Variants in SMG6 observed in about 807,000 individuals in gnomAD.
SMG6 encodes the protein SMG6 nonsense mediated mRNA decay factor, also known as telomerase-binding protein EST1A.
A neutral mutation model predicts 142.2 loss-of-function variants in SMG6; 66 were observed. The observed-to-expected ratio is 0.46, with a 90% CI of 0.38 to 0.57. SMG6 has a LOEUF of 0.57. SMG6 is among the 20% of genes least tolerant of loss of function. SMG6 has a pLI of 0.00. For synonymous variants in SMG6, 779 were observed against 702.4 expected (o/e 1.11, Z -1.72); for missense variants, 1,793 against 1,832.0 (o/e 0.98, Z 0.39).
Position 2,300,178 on chromosome 17 carries a change from G to C in SMG6, c.575C>G (p.Ala192Gly), listed in dbSNP as rs186532415. The C allele has an allele frequency of 7.4e-5, 120 of 1,613,656 alleles. 1 individual carries two copies. The highest frequency in any genetic ancestry group is 1.0e-4 in the Admixed American group (6 of 59,964). ...CRGNVAKEEV[A>G]NKPDRAEIEK... ...TATCTCAGCCCTGTCTGGTTTATTC[G>C]CAACTTCCTCCTTCGCAACATTTCC... Residue 192 changes from alanine (A) to glycine (G), a missense_variant, in exon 2 of 19, where the codon GCG becomes GGG. Physicochemically the swap from Ala to Gly is moderately conservative, Grantham distance 60 (BLOSUM62 0). Transcript: ENST00000263073.
At chr17:2,095,636 GC>G (rs780865297) in intron 13 of SMG6, among the ~76,000 whole-genome samples, 1 of 152,072 alleles carries the variant, frequency 6.6e-6, no homozygotes, top group Non-Finnish European at 1.5e-5. Flanking sequence ...GAGAGCACGC[GC>G]CCCTCCCCGG....
intron 12 of SMG6, among the ~76,000 whole-genome samples, 163 bp downstream of exon 12, chr17:2,186,500 A>T (rs2071990015): frequency 6.6e-6 from 1 of 152,296 alleles, no homozygotes. Context: ...AACCTAAAAC[A>T]TCAGAGGATA....
chr17:2,120,642 G>C (rs914486896), intron 13 of SMG6, among the ~76,000 whole-genome samples: 1 of 152,172 alleles, frequency 6.6e-6, no homozygotes, highest in Admixed American at 6.5e-5. Flanking sequence ...AGGATTGCCC[G>C]AACCCAGGAG....
At chr17:2,293,466 T>C (rs1342146205) in intron 4 of SMG6, among the ~76,000 whole-genome samples, 1 of 99,504 alleles carries the variant, frequency 1.0e-5, no homozygotes, top group Non-Finnish European at 2.5e-5. Context: ...TCTATTCTTT[T>C]TTTTCCCCCC....
chr17:2,091,098 T>G (rs1221112530), intron 13 of SMG6, among the ~76,000 whole-genome samples: 1 of 152,222 alleles, frequency 6.6e-6, no homozygotes, highest in African/African-American at 2.4e-5. Context: ...CCTCTAGTTA[T>G]GCACTACTCA....
At chr17:2,149,955 G>A (rs1180825156) in intron 13 of SMG6, among the ~76,000 whole-genome samples, 3 of 152,208 alleles carry the variant, frequency 2.0e-5, no homozygotes, top group African/African-American at 7.2e-5. Context: ...TTTAGCAGGA[G>A]GGCTAGAAAG....
intron 10 of SMG6, among the ~76,000 whole-genome samples, chr17:2,233,973 G>A (rs1313190671): frequency 1.3e-5 from 2 of 152,138 alleles, no homozygotes; most frequent in East Asian, 3.9e-4. Flanking sequence ...AACACCCTTG[G>A]AGCCTCTGAA....
At chr17:2,217,234 C>T (rs1470045061) in intron 10 of SMG6, among the ~76,000 whole-genome samples, 1 of 151,872 alleles carries the variant, frequency 6.6e-6, no homozygotes, top group Non-Finnish European at 1.5e-5. Flanking sequence ...TACATTTACA[C>T]AATACATTAT....
At chr17:2,175,518 G>C (rs1382986338) in intron 12 of SMG6, among the ~76,000 whole-genome samples, 3 of 152,034 alleles carry the variant, frequency 2.0e-5, no homozygotes, top group Non-Finnish European at 4.4e-5. Context: ...TGTCCCCTAA[G>C]GCTCAGATAA....
At chr17:2,166,968 A>G (rs899467730) in intron 13 of SMG6, among the ~76,000 whole-genome samples, 2 of 152,062 alleles carry the variant, frequency 1.3e-5, no homozygotes, top group Admixed American at 6.6e-5. Context: ...TCTACTAAAA[A>G]TACAAAAAAA....
chr17:2,243,449 G>A (rs889005965), intron 9 of SMG6, among the ~76,000 whole-genome samples: 2 of 152,198 alleles, frequency 1.3e-5, no homozygotes, highest in Non-Finnish European at 2.9e-5. Context: ...GGGAGGGCGA[G>A]GCAGGTGGAT....
At chr17:2,211,977 C>T (rs17834425) in intron 10 of SMG6, among the ~76,000 whole-genome samples, 16,809 of 152,242 alleles carry the variant, frequency 0.11, 1,298 homozygotes, top group Non-Finnish European at 0.17. Context: ...GATCTGAAAA[C>T]CTGCTGGAGC....
intron 10 of SMG6, among the ~76,000 whole-genome samples, chr17:2,222,576 G>T (rs2641428): frequency 8.9e-6 from 1 of 111,974 alleles, no homozygotes; most frequent in Admixed American, 1.1e-4. Context: ...GGCAGGAGAA[G>T]AGGTCCATAT....
intron 13 of SMG6, among the ~76,000 whole-genome samples, chr17:2,109,809 A>C (rs2069258475): frequency 6.6e-6 from 1 of 152,106 alleles, no homozygotes; most frequent in Non-Finnish European, 1.5e-5. Context: ...TGACAACACA[A>C]GGGCAGACGC....
At chr17:2,272,676 T>C (rs1487607526) in intron 8 of SMG6, among the ~76,000 whole-genome samples, 1 of 152,140 alleles carries the variant, frequency 6.6e-6, no homozygotes, top group Non-Finnish European at 1.5e-5. Flanking sequence ...CGGTGGCTCA[T>C]GCCTGTAATC....
chr17:2,182,803 T>C (rs1370025230), intron 12 of SMG6, among the ~76,000 whole-genome samples: 1 of 150,002 alleles, frequency 6.7e-6, no homozygotes, highest in Non-Finnish European at 1.5e-5. Flanking sequence ...ACACAGAGCA[T>C]GAAGGAGCTT....
chr17:2,142,820 G>A (rs1227937414), intron 13 of SMG6, among the ~76,000 whole-genome samples: 15 of 150,858 alleles, frequency 9.9e-5, no homozygotes, highest in Non-Finnish European at 7.4e-5. Flanking sequence ...CCTGGGAGGC[G>A]GAGGTTGCGG....
At chr17:2,113,370 T>C (rs1369738086) in intron 13 of SMG6, among the ~76,000 whole-genome samples, 1 of 152,202 alleles carries the variant, frequency 6.6e-6, no homozygotes, top group Admixed American at 6.6e-5. Context: ...GCCACTATGC[T>C]GGGCCTAAGG....
intron 6 of SMG6, among the ~76,000 whole-genome samples, chr17:2,287,142 A>G (rs988450308): frequency 2.6e-4 from 39 of 152,042 alleles, no homozygotes; most frequent in Non-Finnish European, 1.0e-4. Flanking sequence ...CGTGGTCTCA[A>G]TCTCTTGACC....
Sources: allele counts gnomAD v4.1 joint callset (sites outside exome capture counted in the v4.1 genomes callset), GRCh38; gene constraint gnomAD v4.1.1; transcripts MANE v1.5; gene names NCBI Gene and HGNC (gene_info 2026-07-23, HGNC 2026-07-21).